The following MYO1B variants were observed in gnomAD, a reference collection of about 807,000 sequenced individuals.
The protein encoded by MYO1B is myosin IB.
In MYO1B, 72 loss-of-function variants were observed where a neutral mutation model predicts 159.7. The observed-to-expected ratio is 0.45, with a 90% CI of 0.37 to 0.55. MYO1B has a LOEUF of 0.55. Among genes scored for constraint, MYO1B ranks in the 20% least tolerant of loss-of-function variants. MYO1B has a pLI of 0.00. For missense variants in MYO1B, 1,062 were observed against 1,364.8 expected, an observed-to-expected ratio of 0.78 and a Z score of 3.50; for synonymous variants, 468 against 473.8, an observed-to-expected ratio of 0.99 and a Z score of 0.16.
At chr2:191,402,004 C>T (rs182590638) in intron 23 of MYO1B, 1 of 152,800 alleles carries the variant, frequency 6.5e-6, no homozygotes, top group African/African-American at 2.4e-5. Context: ...TTGCTTCAGT[C>T]TTCCTGTATA....
chr2:191,420,171 C>T (rs1697848231), intron 30 of MYO1B, among the ~76,000 whole-genome samples: 1 of 152,156 alleles, frequency 6.6e-6, no homozygotes, highest in Non-Finnish European at 1.5e-5. Flanking sequence ...CCAGTGAACT[C>T]CAGCCTGGGA....
At chr2:191,346,015 A>C (rs1359631508) in intron 5 of MYO1B, among the ~76,000 whole-genome samples, 1 of 152,226 alleles carries the variant, frequency 6.6e-6, no homozygotes, top group Non-Finnish European at 1.5e-5. Context: ...CATGAGTCAT[A>C]GGAATGATTC....
Position 191,393,126 on chromosome 2 carries a change from C to T in MYO1B, c.2130C>T (p.Leu710=), listed in dbSNP as rs750147873. Residue 710 remains leucine, a synonymous_variant, in exon 20 of 31, where the codon CTC becomes CTT. Transcript: ENST00000392318. ...RKQRLEDLAT[L]IQKIYRGWKC... is the part of the protein sequence containing the mutation. ...AACGCCTGGAGGACTTGGCCACTCT[C>T]ATTCAGAAGATATATCGGGGGTGGA... The T allele has an allele frequency of 5.6e-6, 9 of 1,614,008 alleles. No homozygotes were observed. Among genetic ancestry groups the T allele is most frequent in the Admixed American group, 3.3e-5 (2 of 60,018 alleles).
At chr2:191,352,425 G>A (rs1692986473) in intron 7 of MYO1B, among the ~76,000 whole-genome samples, 1 of 152,102 alleles carries the variant, frequency 6.6e-6, no homozygotes, top group Non-Finnish European at 1.5e-5. Flanking sequence ...ATTACTCGAG[G>A]ATTTTAGGAA....
intron 20 of MYO1B, among the ~76,000 whole-genome samples, chr2:191,395,511 C>G (rs1386316977): frequency 6.6e-6 from 1 of 152,246 alleles, no homozygotes; most frequent in Non-Finnish European, 1.5e-5. Flanking sequence ...CACAATGTGA[C>G]TTTAGTACTT....
At chr2:191,252,516 A>G (rs1312053924) in intron 1 of MYO1B, among the ~76,000 whole-genome samples, 1 of 152,214 alleles carries the variant, frequency 6.6e-6, no homozygotes, top group African/African-American at 2.4e-5. Flanking sequence ...CATTCACACA[A>G]TTCACACTTT....
intron 3 of MYO1B, among the ~76,000 whole-genome samples, chr2:191,328,909 T>C (rs1691280925): frequency 6.6e-6 from 1 of 152,190 alleles, no homozygotes; most frequent in Non-Finnish European, 1.5e-5. Flanking sequence ...TCTGCCATGT[T>C]TTGCACATAC....
At chr2:191,343,169 G>A (rs1241468967) in intron 5 of MYO1B, among the ~76,000 whole-genome samples, 4 of 152,208 alleles carry the variant, frequency 2.6e-5, no homozygotes, top group African/African-American at 9.7e-5. Context: ...AACCACCCTT[G>A]ATTAGAATCT....
intron 1 of MYO1B, among the ~76,000 whole-genome samples, chr2:191,246,921 C>CT (rs1173874145): frequency 6.6e-6 from 1 of 152,174 alleles, no homozygotes; most frequent in Non-Finnish European, 1.5e-5. Flanking sequence ...CTTTCACTCT[C>CT]TGTGTGAGGA....
chr2:191,344,829 C>CAA (rs10646926), intron 5 of MYO1B, among the ~76,000 whole-genome samples: 2,077 of 55,082 alleles, frequency 0.038, 215 homozygotes, highest in African/African-American at 0.13. Flanking sequence ...GACTCCGTCT[C>CAA]AAAAAAAAAA....
At chr2:191,327,422 C>T (rs543124905) in intron 3 of MYO1B, among the ~76,000 whole-genome samples, 1 of 152,318 alleles carries the variant, frequency 6.6e-6, no homozygotes, top group East Asian at 1.9e-4. Context: ...TTATAAATTT[C>T]AAAGTGCTTG....
chr2:191,307,750 C>A (rs1467488588), intron 3 of MYO1B, among the ~76,000 whole-genome samples: 1 of 152,164 alleles, frequency 6.6e-6, no homozygotes, highest in African/African-American at 2.4e-5. Context: ...TGGGGGTTTC[C>A]ATGATCCTCA....
At chr2:191,265,674 A>G (rs1273924735) in intron 1 of MYO1B, among the ~76,000 whole-genome samples, 1 of 152,128 alleles carries the variant, frequency 6.6e-6, no homozygotes, top group Non-Finnish European at 1.5e-5. Context: ...ATCTAAACAC[A>G]TTGACTTCTT....
chr2:191,409,400 C>T (rs1391687230), intron 26 of MYO1B, among the ~76,000 whole-genome samples: 2 of 152,166 alleles, frequency 1.3e-5, no homozygotes, highest in African/African-American at 4.8e-5. Flanking sequence ...CTGGCTGGAA[C>T]GGGGAGCACA....
chr2:191,394,717 GAGAA>G (rs1695961362), intron 20 of MYO1B, among the ~76,000 whole-genome samples: 1 of 152,186 alleles, frequency 6.6e-6, no homozygotes, highest in Admixed American at 6.5e-5. Context: ...TCGGAAGGAT[GAGAA>G]AGAACAGGCA....
intron 4 of MYO1B, among the ~76,000 whole-genome samples, chr2:191,340,481 A>G (rs1041822917): frequency 7.2e-5 from 11 of 152,176 alleles, no homozygotes; most frequent in Non-Finnish European, 1.5e-4. Flanking sequence ...GGATAAAACC[A>G]CCAAAGACAT....
Position 191,385,967 on chromosome 2 carries a change from G to A in MYO1B, c.1437G>A (p.Leu479=). ...CTGATGAGACCTTCTTAGAAAAGCT[G>A]AACCAAGTATGTGCCACCCACCAGC... is the stretch of plus-strand genomic sequence containing the variant. ...TVTDETFLEK[L]NQVCATHQHF... The change falls in exon 16 of 31, where the codon CTG becomes CTA. Residue 479 remains leucine, a synonymous_variant. Coordinates refer to ENST00000392318, the MANE Select transcript of MYO1B (RefSeq NM_001130158.3). The A allele has an allele frequency of 6.2e-7, 1 of 1,614,188 alleles. No homozygotes were observed. Among genetic ancestry groups the A allele is most frequent in the Non-Finnish European group, 8.5e-7 (1 of 1,180,014 alleles).
At chr2:191,413,619 G>A (rs1697383360) in intron 27 of MYO1B, among the ~76,000 whole-genome samples, 1 of 152,184 alleles carries the variant, frequency 6.6e-6, no homozygotes, top group African/African-American at 2.4e-5. Context: ...GCAGGTGATG[G>A]TAATGATTTC....
chr2:191,326,087 T>C (rs910372024), intron 3 of MYO1B, among the ~76,000 whole-genome samples: 2 of 152,212 alleles, frequency 1.3e-5, no homozygotes, highest in African/African-American at 4.8e-5. Flanking sequence ...GTTTACTCCC[T>C]TACGCTATCG....
Sources: gnomAD v4.1 joint callset for allele counts (sites outside exome capture counted in the v4.1 genomes callset) on GRCh38, gnomAD v4.1.1 for gene constraint, MANE v1.5 for transcripts, NCBI Gene and HGNC (gene_info 2026-07-23, HGNC 2026-07-21) for gene names.